The following CEP250 variants were observed in gnomAD, a reference collection of about 807,000 sequenced individuals.
CEP250 encodes centrosome-associated protein CEP250.
In CEP250, 242 loss-of-function variants were observed where a neutral mutation model predicts 315.7. That is an observed-to-expected ratio of 0.77 (90% CI 0.69 to 0.85). CEP250 has a LOEUF of 0.85. Ranked by LOEUF, CEP250 falls within the 40% of genes least tolerant of loss-of-function variation. The pLI, the probability that CEP250 is intolerant of heterozygous loss-of-function variation, is 0.00. For missense variants in CEP250, 2,515 were observed against 2,886.4 expected (o/e 0.87, Z 2.95); for synonymous variants, 1,088 against 1,175.0 (o/e 0.93, Z 1.51).
intron 20 of CEP250, 98 bp from the exon 21 acceptor site, chr20:35,490,539 A>G: frequency 9.0e-7 from 1 of 1,113,678 alleles, no homozygotes; most frequent in Non-Finnish European, 1.3e-6. Context: ...AGGTCACCCC[A>G]CTAGTGAGTA....
At position 35,512,480 on chromosome 20, in the gene CEP250, C is replaced by T. The variant is rs1408468495; in HGVS notation, c.*854C>T. The T allele has an allele frequency of 1.3e-5, 2 of 152,208 alleles. No individual in the cohort carries two copies. Among genetic ancestry groups the T allele is most frequent in the Non-Finnish European group, 2.9e-5 (2 of 68,058 alleles). The allele number at this position is 152,208 out of a possible 1,614,324, so 9.4% of individuals were successfully genotyped here. A position where few individuals can be genotyped will look rare whatever the true frequency, so the allele number is the denominator to read the frequency against. Reference sequence around the variant, plus strand: ...TCAGAAGCTCCACATGGCCTCATTCCTCTTCTACTCTGGGTGAATGTCCTT... The same window carrying T: ...TCAGAAGCTCCACATGGCCTCATTCTTCTTCTACTCTGGGTGAATGTCCTT... On this transcript the variant is annotated 3_prime_UTR_variant, in exon 35 of 35. Coordinates refer to ENST00000397527, the MANE Select transcript of CEP250 (RefSeq NM_007186.6).
In CEP250 at chr20:35,478,084, C is replaced by A; in HGVS notation, c.2077C>A (p.Gln693Lys). The A allele has an allele frequency of 6.2e-7, 1 of 1,613,400 alleles. No homozygotes were observed. Among genetic ancestry groups the A allele is most frequent in the South Asian group, 1.1e-5 (1 of 90,960 alleles). The change falls in exon 17 of 35, where the codon CAA becomes AAA. Residue 693 changes from glutamine to lysine, a missense_variant. Transcript: ENST00000397527. ...RDIQEEKEEI[Q>K]KKLSESRHQQ... ...CATCCAAGAAGAGAAGGAAGAAATT[C>A]AAAAGAAACTAAGTGAGGTGAGAAG... is the stretch of plus-strand genomic sequence containing the variant.
In CEP250 at chr20:35,519,278, C is replaced by T. The variant is rs1205087160; in HGVS notation, c.*7652C>T. 6.6e-6 allele frequency: 1 copy of T among 151,844 alleles called. No individual in the cohort carries two copies. Among genetic ancestry groups the T allele is most frequent in the Non-Finnish European group, 1.5e-5 (1 of 67,966 alleles). 9.4% of individuals were successfully genotyped at this position (151,844 alleles called of 1,614,324 possible). ...TTGTCACAATAAAAAGTTTGAAAAT[C>T]GAGTTCATAATATTTCCAGTTTGGG... is the stretch of plus-strand genomic sequence containing the variant. On this transcript the variant is annotated 3_prime_UTR_variant, in exon 35 of 35. Coordinates refer to ENST00000397527, the MANE Select transcript of CEP250 (RefSeq NM_007186.6).
intron 28 of CEP250, among the ~76,000 whole-genome samples, chr20:35,500,833 A>G (rs988213260): frequency 6.6e-6 from 1 of 152,248 alleles, no homozygotes; most frequent in African/African-American, 2.4e-5. Flanking sequence ...GGAAGAAGAG[A>G]TTAGGAGGAA....
chr20:35,507,224 T>C (rs1287224205), intron 30 of CEP250, among the ~76,000 whole-genome samples: 1 of 152,212 alleles, frequency 6.6e-6, no homozygotes, highest in Non-Finnish European at 1.5e-5. Flanking sequence ...ACCTAGAAAG[T>C]ATCTAGCATG....
intron 17 of CEP250, among the ~76,000 whole-genome samples, chr20:35,478,396 C>A (rs2063234936): frequency 6.6e-6 from 1 of 152,142 alleles, no homozygotes; most frequent in African/African-American, 2.4e-5. Context: ...GAAACCCTGT[C>A]TCTACTAAAA....
Position 35,469,897 on chromosome 20 carries a change from G to C in CEP250, c.859G>C (p.Glu287Gln). The change falls in exon 10 of 35, where the codon GAG becomes CAG. Residue 287 changes from glutamate (E) to glutamine (Q), a missense_variant. Coordinates refer to ENST00000397527, the MANE Select transcript of CEP250 (RefSeq NM_007186.6). ...EKAELQDRVT[E>Q]LSALLTQSQK... ...CTATGCTCTTCTCTTTAGGGTGACC[G>C]AGCTCTCTGCTCTGTTGACCCAGTC... The C allele has an allele frequency of 6.2e-7, 1 of 1,611,494 alleles. No homozygotes were observed. The highest frequency in any genetic ancestry group is 1.1e-5 in the South Asian group (1 of 90,942).
At position 35,507,803 on chromosome 20, in the gene CEP250, C is replaced by G; in HGVS notation, c.6702C>G (p.Ser2234Arg). The G allele has an allele frequency of 6.3e-7, 1 of 1,575,470 alleles. No individual in the cohort carries two copies. Among genetic ancestry groups the G allele is most frequent in the Admixed American group, 1.9e-5 (1 of 52,760 alleles). ...KERLHSPGAT[S>R]TAELGSRGEQ... ...GGCTACACAGCCCAGGTGCAACCAG[C>G]ACAGCAGAACTGGGGTCCAGAGGGG... Residue 2234 changes from serine (S) to arginine (R), a missense_variant, in exon 31 of 35, where the codon AGC (serine) becomes AGG (arginine). Ser to Arg is a moderately radical substitution (Grantham distance 110, BLOSUM62 -1). Coordinates refer to ENST00000397527, the MANE Select transcript of CEP250 (RefSeq NM_007186.6).
chr20:35,463,726 T>A, intron 5 of CEP250, 95 bp downstream of exon 5: 1 of 970,024 alleles, frequency 1.0e-6, no homozygotes, highest in Non-Finnish European at 1.4e-6. Context: ...AGTGTACAAG[T>A]GAGGTGTTTG....
chr20:35,482,231 T>G (rs562129566), intron 20 of CEP250, among the ~76,000 whole-genome samples: 5 of 151,714 alleles, frequency 3.3e-5, no homozygotes, highest in South Asian at 4.2e-4. Flanking sequence ...ATTATTATTT[T>G]TTTGTTTGTT....
rs776575435 is a variant in CEP250 at position 35,496,673 on chromosome 20, C to T, written c.3264C>T (p.Asp1088=). The change falls in exon 25 of 35, where the codon GAC becomes GAT. Residue 1088 remains aspartate (D), a synonymous_variant. Coordinates refer to ENST00000397527, the MANE Select transcript of CEP250 (RefSeq NM_007186.6). The part of the protein sequence containing the change: ...RQQELSALRQ[D]MQEAQGEQKE... ...AAGAGCTGAGTGCCCTGCGCCAGGA[C>T]ATGCAGGAGGCCCAGGGAGAACAGA... 5.0e-6 allele frequency: 8 copies of T among 1,613,948 alleles called. No individual in the cohort carries two copies. Among genetic ancestry groups the T allele is most frequent in the Middle Eastern group, 1.6e-4 (1 of 6,084 alleles).
At chr20:35,470,027 T>C (rs1262485394) in intron 10 of CEP250, 41 bp downstream of exon 10, 2 of 1,355,550 alleles carry the variant, frequency 1.5e-6, no homozygotes, top group South Asian at 1.2e-5. Context: ...GGGCGTGGGC[T>C]TGTAGGTTCC....
In CEP250 at chr20:35,479,422, C is replaced by T. The variant is rs2063275544; in HGVS notation, c.2286C>T (p.Leu762=). Residue 762 remains leucine (L), a splice_region_variant and synonymous_variant, in exon 18 of 35, where the codon CTC becomes CTT. Coordinates refer to ENST00000397527, the MANE Select transcript of CEP250 (RefSeq NM_007186.6). ...ACCTCGCTGAACAACTACAGGGGCTCAGGTAGGGCCCAGACTCAGTTCAGC... is the reference window on the plus strand; with the variant it reads ...ACCTCGCTGAACAACTACAGGGGCTTAGGTAGGGCCCAGACTCAGTTCAGC... ...RQDLAEQLQG[L]SSAKELLESS... 3.7e-6 allele frequency: 6 copies of T among 1,612,536 alleles called. No individual in the cohort carries two copies. Among genetic ancestry groups the T allele is most frequent in the Non-Finnish European group, 4.2e-6 (5 of 1,179,366 alleles).
chr20:35,474,108 C>A, intron 14 of CEP250, 56 bp downstream of exon 14: 2 of 1,371,774 alleles, frequency 1.5e-6, no homozygotes, highest in South Asian at 1.5e-5. Context: ...AATTCTACAC[C>A]CTCCCCGTCT....
chr20:35,473,976 C>A lies in CEP250; in HGVS notation c.1495C>A (p.Gln499Lys). ...AAGGGTAAATGTGGAGCTTCAGCTG[C>A]AGGGGGACTCTGCCCAGGGCCAGAA... ...LRRVNVELQL[Q>K]GDSAQGQKEE... The change falls in exon 14 of 35, where the codon CAG (glutamine) becomes AAG (lysine). Residue 499 changes from glutamine (Q) to lysine (K), a missense_variant. Transcript: ENST00000397527. 1 of 1,608,998 alleles carries A rather than the reference C, an allele frequency of 6.2e-7. No individual in the cohort carries two copies. The highest frequency in any genetic ancestry group is 8.5e-7 in the Non-Finnish European group (1 of 1,178,566).
At chr20:35,485,389 A>C (rs1480015366) in intron 20 of CEP250, among the ~76,000 whole-genome samples, 3 of 151,694 alleles carry the variant, frequency 2.0e-5, no homozygotes, top group Admixed American at 6.6e-5. Context: ...AAAAAAAAAA[A>C]AGTAAAAACC....
intron 33 of CEP250, among the ~76,000 whole-genome samples, chr20:35,509,600 G>T (rs1312706956): frequency 6.6e-6 from 1 of 152,226 alleles, no homozygotes; most frequent in Non-Finnish European, 1.5e-5. Flanking sequence ...TATGGTGGCT[G>T]AGCACTAGAT....
intron 28 of CEP250, among the ~76,000 whole-genome samples, chr20:35,500,735 G>C (rs1295497589): frequency 6.6e-6 from 1 of 152,234 alleles, no homozygotes; most frequent in Non-Finnish European, 1.5e-5. Flanking sequence ...ACCCAGAAAT[G>C]TGAGGTGAGA....
Position 35,469,954 on chromosome 20 carries a change from A to C in CEP250, c.916A>C (p.Ile306Leu), listed in dbSNP as rs756960945. Residue 306 changes from isoleucine to leucine, a missense_variant, in exon 10 of 35, where the codon ATA becomes CTA. Coordinates refer to ENST00000397527, the MANE Select transcript of CEP250 (RefSeq NM_007186.6). ...QKQNEDYEKM[I>L]KALRETVEIL... ...GCAAAATGAAGATTATGAAAAGATG[A>C]TAAAGGCTCTGAGAGAGACAGTGGA... 1 of 1,613,788 alleles carries C rather than the reference A, an allele frequency of 6.2e-7. No individual in the cohort carries two copies. The highest frequency in any genetic ancestry group is 1.3e-5 in the African/African-American group (1 of 74,890).
Sources: gnomAD v4.1 joint callset for allele counts (sites outside exome capture counted in the v4.1 genomes callset) on GRCh38, gnomAD v4.1.1 for gene constraint, MANE v1.5 for transcripts, NCBI Gene and HGNC (gene_info 2026-07-23, HGNC 2026-07-21) for gene names.